Variants in MAST4 observed in about 807,000 individuals in gnomAD.
MAST4 encodes microtubule associated serine/threonine kinase family member 4.
Under a neutral mutation model 162.7 loss-of-function variants are expected in MAST4, and 89 were observed. The ratio of observed to expected loss-of-function variants is 0.55; its 90% confidence interval spans 0.46 to 0.65. MAST4 has a LOEUF of 0.65. MAST4 is among the 30% of genes least tolerant of loss of function. The pLI, the probability that MAST4 is intolerant of heterozygous loss-of-function variation, is 0.00. For missense variants in MAST4, 3,153 were observed against 3,374.0 expected (o/e 0.93, Z 1.62); for synonymous variants, 1,479 against 1,361.1 (o/e 1.09, Z -1.91).
rs576526878 is a variant in MAST4, at chr5:66,681,923, T to TG, written c.364-77780dup. ...TTCATAAACTCAAGTTGGGCTTATT[T>TG]GGGGGGTGGGTGACCATGCCTGGAG... On this transcript the variant is annotated intron_variant, in intron 1 of 28. Transcript: ENST00000403625. Among the ~76,000 whole-genome samples the TG allele has an allele frequency of 2.1e-3, 326 of 152,264 alleles. 1 individual carries two copies. Among genetic ancestry groups the TG allele is most frequent in the African/African-American group, 7.2e-3 (301 of 41,550 alleles).
chr5:66,751,604 A>C (rs1753173600), intron 1 of MAST4, among the ~76,000 whole-genome samples: 1 of 151,422 alleles, frequency 6.6e-6, no homozygotes, highest in Admixed American at 6.6e-5. Flanking sequence ...AAAAAGAATA[A>C]AAAGAAATGA....
At chr5:66,826,261 G>A (rs1390503617) in intron 3 of MAST4, among the ~76,000 whole-genome samples, 1 of 151,598 alleles carries the variant, frequency 6.6e-6, no homozygotes, top group African/African-American at 2.4e-5. Context: ...TTGATGGTAT[G>A]ATGGTCATAA....
intron 1 of MAST4, among the ~76,000 whole-genome samples, chr5:66,664,066 C>T (rs754763369): frequency 1.5e-4 from 23 of 152,084 alleles, no homozygotes; most frequent in Non-Finnish European, 3.1e-4. Context: ...GAGGAGGTAC[C>T]AAGAGTTTCT....
chr5:66,815,739 G>C (rs1208867556), intron 3 of MAST4, among the ~76,000 whole-genome samples: 2 of 152,124 alleles, frequency 1.3e-5, no homozygotes, highest in East Asian at 1.9e-4. Context: ...TAATTTATTA[G>C]GTTTGTCTGT....
At chr5:66,716,324 ATCTC>A (rs148707709) in intron 1 of MAST4, among the ~76,000 whole-genome samples, 2,599 of 152,014 alleles carry the variant, frequency 0.017, 65 homozygotes, top group African/African-American at 0.06. Flanking sequence ...TTTAGATTTG[ATCTC>A]TCTCTCTATG....
At chr5:66,940,818 A>G (rs1743281558) in intron 4 of MAST4, among the ~76,000 whole-genome samples, 1 of 152,144 alleles carries the variant, frequency 6.6e-6, no homozygotes, top group Non-Finnish European at 1.5e-5. Flanking sequence ...TAGAGGAATC[A>G]TTATAGCCGC....
Position 66,709,183 on chromosome 5 carries a change from G to A in MAST4, c.364-50526G>A, listed in dbSNP as rs141202216. Among the ~76,000 whole-genome samples, 997 of 151,836 alleles carry A rather than the reference G, an allele frequency of 6.6e-3. 2 individuals are homozygous for A. The highest frequency in any genetic ancestry group is 0.03 in the South Asian group (143 of 4,774). ...TCCAGGAAAGCACCAAGAATATTGC[G>A]GATACCACCTAGATTTTGCTATTGC... On this transcript the variant is annotated intron_variant, in intron 1 of 28. Coordinates refer to ENST00000403625, the MANE Select transcript of MAST4 (RefSeq NM_001164664.2).
intron 5 of MAST4, among the ~76,000 whole-genome samples, chr5:67,084,418 T>C (rs1281635639): frequency 6.6e-6 from 1 of 152,202 alleles, no homozygotes; most frequent in Non-Finnish European, 1.5e-5. Flanking sequence ...TATCTATCAG[T>C]AGATGTTTAG....
intron 4 of MAST4, among the ~76,000 whole-genome samples, chr5:67,012,095 A>T (rs1284116787): frequency 1.3e-5 from 2 of 152,144 alleles, no homozygotes; most frequent in Admixed American, 6.6e-5. Flanking sequence ...TGGGTAGAAC[A>T]TTATATTCTC....
In MAST4 at chr5:67,104,532, A is replaced by G; in HGVS notation, c.1313A>G (p.Tyr438Cys). The G allele has an allele frequency of 6.2e-7, 1 of 1,613,746 alleles. No homozygotes were observed. The change falls in exon 10 of 29, where the codon TAC (tyrosine) becomes TGC (cysteine). Residue 438 changes from tyrosine to cysteine, a missense_variant. Coordinates refer to ENST00000403625, the MANE Select transcript of MAST4 (RefSeq NM_001164664.2). ...KSHQGLITSR[Y>C]FLELQHKLDK... Reference sequence around the variant, plus strand: ...CACCAGGGCCTCATCACCTCACGATACTTCCTTGAATTACAGCACAAATTA... The same window carrying G: ...CACCAGGGCCTCATCACCTCACGATGCTTCCTTGAATTACAGCACAAATTA...
chr5:66,755,305 C>T (rs539349692), intron 1 of MAST4, among the ~76,000 whole-genome samples: 1 of 152,208 alleles, frequency 6.6e-6, no homozygotes, highest in South Asian at 2.1e-4. Context: ...AACAGAATTG[C>T]CATTTACTGA....
At chr5:66,919,964 CCTTCCTTCCT>C (rs1764416986) in intron 4 of MAST4, among the ~76,000 whole-genome samples, 1 of 109,016 alleles carries the variant, frequency 9.2e-6, no homozygotes, top group African/African-American at 4.3e-5. Flanking sequence ...TTCCTTCCTT[CCTTCCTTCCT>C]TCTTTCTCTC....
intron 3 of MAST4, 37 bp from the exon 4 acceptor site, chr5:66,899,914 C>A: frequency 6.7e-7 from 1 of 1,481,758 alleles, no homozygotes; most frequent in East Asian, 2.6e-5. Context: ...AAGGTTAATG[C>A]AGCATTGCTT....
chr5:66,946,622 G>T (rs796242482), intron 4 of MAST4, among the ~76,000 whole-genome samples: 7 of 152,244 alleles, frequency 4.6e-5, no homozygotes, highest in African/African-American at 1.7e-4. Context: ...GTTGTCATGG[G>T]TTTTGCCAAC....
intron 1 of MAST4, among the ~76,000 whole-genome samples, chr5:66,678,788 G>C (rs543644756): frequency 9.9e-6 from 1 of 100,558 alleles, no homozygotes; most frequent in Non-Finnish European, 1.9e-5. Context: ...CACCATGCCC[G>C]GCCCCCAATT....
intron 1 of MAST4, among the ~76,000 whole-genome samples, chr5:66,616,634 C>T (rs1309472018): frequency 6.6e-6 from 1 of 152,114 alleles, no homozygotes; most frequent in African/African-American, 2.4e-5. Flanking sequence ...TTCTGTAGAA[C>T]CCCCAAGCAG....
In MAST4 at chr5:67,034,977, T is replaced by C. The variant is rs540867924; in HGVS notation, c.675-19427T>C. On this transcript the variant is annotated intron_variant, in intron 4 of 28. Transcript: ENST00000403625. ...AGGACTGCTGGTTTAGAGTGAACCA[T>C]AGAGACATAGAGATAACCTGCATTC... Among the ~76,000 whole-genome samples the C allele has an allele frequency of 6.6e-5, 10 of 152,322 alleles. No individual in the cohort carries two copies. In the South Asian group the frequency reaches 2.1e-3, roughly 32 times the overall value.
At chr5:66,745,312 G>T (rs1367183664) in intron 1 of MAST4, among the ~76,000 whole-genome samples, 3 of 152,164 alleles carry the variant, frequency 2.0e-5, no homozygotes, top group Non-Finnish European at 2.9e-5. Context: ...GCTGCCTAAA[G>T]AAGGGTAGAT....
intron 4 of MAST4, among the ~76,000 whole-genome samples, chr5:66,945,024 C>T (rs1354099384): frequency 6.6e-6 from 1 of 152,116 alleles, no homozygotes; most frequent in Non-Finnish European, 1.5e-5. Context: ...GGGGATTATA[C>T]AGAGTGTCAG....
Sources: gnomAD v4.1 joint callset for allele counts (sites outside exome capture counted in the v4.1 genomes callset) on GRCh38, gnomAD v4.1.1 for gene constraint, MANE v1.5 for transcripts, NCBI Gene and HGNC (gene_info 2026-07-23, HGNC 2026-07-21) for gene names.